LRGUK: variants seen among roughly 807,000 people sequenced by gnomAD.
The protein encoded by LRGUK is leucine rich repeats and guanylate kinase domain containing.
In LRGUK, 65 loss-of-function variants were observed where a neutral mutation model predicts 76.0. The observed-to-expected ratio is 0.85, with a 90% CI of 0.70 to 1.05. LRGUK has a LOEUF of 1.05. LRGUK is among the 50% of genes least tolerant of loss of function. The pLI is 0.00. For missense variants in LRGUK, 758 were observed against 732.8 expected, an observed-to-expected ratio of 1.03 and a Z score of -0.40; for synonymous variants, 268 against 265.6, an observed-to-expected ratio of 1.01 and a Z score of -0.09.
intron 7 of LRGUK, among the ~76,000 whole-genome samples, chr7:134,169,965 G>A (rs73159164): frequency 1.3e-5 from 2 of 151,998 alleles, no homozygotes; most frequent in Non-Finnish European, 2.9e-5. Context: ...CCTACCAGCA[G>A]TATATGAAGT....
chr7:134,171,161 T>G (rs981021272), intron 7 of LRGUK, among the ~76,000 whole-genome samples: 11 of 151,704 alleles, frequency 7.3e-5, no homozygotes, highest in Non-Finnish European at 1.6e-4. Context: ...TTTTCCCCCT[T>G]CTTAAAATTG....
chr7:134,268,717 CTTTTTTTTTTTTT>C (rs71531815), downstream of LRGUK, among the ~76,000 whole-genome samples: 12 of 57,326 alleles, frequency 2.1e-4, no homozygotes, highest in Non-Finnish European at 2.8e-4. Context: ...TGCAAAAAAT[CTTTTTTTTTTTTT>C]TTTTTTTTTT....
downstream of LRGUK, among the ~76,000 whole-genome samples, chr7:134,268,548 A>G (rs544469065): frequency 1.3e-5 from 2 of 152,152 alleles, no homozygotes; most frequent in African/African-American, 4.8e-5. Context: ...TGAAGAACCA[A>G]TTGCTAACAG....
At position 134,263,365 on chromosome 7, in the gene LRGUK, G is replaced by A. The variant is rs527423489; in HGVS notation, c.2348-480G>A. ...TGGTGAGCAGACCAATCTTTAGAGG[G>A]CATTAAATGAAGCTTCTATAGGAAG... On this transcript the variant is annotated intron_variant, in intron 19 of 19. Coordinates refer to the LRGUK transcript ENST00000285928. 3.6e-4 allele frequency among the ~76,000 whole-genome samples: 38 copies of A among 105,952 alleles called. 1 individual carries two copies. The South Asian group carries it at 0.014, about 40-fold the overall frequency. The allele number at this position is 105,952 out of a possible 152,430, so 69.5% of individuals were successfully genotyped here.
intron 4 of LRGUK, among the ~76,000 whole-genome samples, chr7:134,146,623 C>T (rs1797980548): frequency 6.6e-6 from 1 of 152,120 alleles, no homozygotes; most frequent in Non-Finnish European, 1.5e-5. Flanking sequence ...AGTTTGCTAA[C>T]TTGTATTTTA....
chr7:134,226,650 C>T (rs1801771774), intron 16 of LRGUK, among the ~76,000 whole-genome samples: 1 of 152,162 alleles, frequency 6.6e-6, no homozygotes, highest in Non-Finnish European at 1.5e-5. Flanking sequence ...ATGTGACAGC[C>T]TTGCCATCTA....
At chr7:134,271,762 G>A in the LRGUK span, among the ~76,000 whole-genome samples, 9 of 151,966 alleles carry the variant, frequency 5.9e-5, 3 homozygotes, top group Admixed American at 5.9e-4. Context: ...TCTCCATAAA[G>A]GACAAATGTA....
rs375670540 is a variant in LRGUK at position 134,229,616 on chromosome 7, G to A, written c.1983+7698G>A. On this transcript the variant is annotated intron_variant, in intron 16 of 19. Transcript: ENST00000285928. ...CTGTTTTCTTCAAATAGGTCTATAC[G>A]CTCAAAGCAATCCAGTCAAAAACAT... Among the ~76,000 whole-genome samples the A allele has an allele frequency of 2.6e-5, 4 of 152,068 alleles. No individual in the cohort carries two copies. In the East Asian group the frequency reaches 5.8e-4, roughly 22 times the overall value.
At chr7:134,255,075 T>C (rs1585605727) in intron 18 of LRGUK, among the ~76,000 whole-genome samples, 1 of 152,150 alleles carries the variant, frequency 6.6e-6, no homozygotes, top group African/African-American at 2.4e-5. Flanking sequence ...ATTAATTCAG[T>C]GGATAAAGAT....
chr7:134,240,317 C>T (rs181532215), intron 16 of LRGUK, among the ~76,000 whole-genome samples: 29 of 152,232 alleles, frequency 1.9e-4, no homozygotes, highest in African/African-American at 5.1e-4. Context: ...AAAGATTAGA[C>T]GAATGGCTAA....
At chr7:134,235,561 C>T (rs927059643) in intron 16 of LRGUK, among the ~76,000 whole-genome samples, 4 of 152,122 alleles carry the variant, frequency 2.6e-5, no homozygotes, top group Non-Finnish European at 5.9e-5. Flanking sequence ...TTGAAAAATT[C>T]GTATCACCCT....
rs570926796 is a variant in LRGUK at position 134,190,447 on chromosome 7, A to G, written c.1335-1208A>G. 3.3e-5 allele frequency among the ~76,000 whole-genome samples: 5 copies of G among 152,334 alleles called. No individual in the cohort carries two copies. In the East Asian group the frequency reaches 9.6e-4, roughly 29 times the overall value. ...GGTCCTGAACTCCTGGGCTCAAGCA[A>G]TCCTCCTGCCTTGGCCTCCCAAAGT... is the stretch of plus-strand genomic sequence containing the variant. On this transcript the variant is annotated intron_variant, in intron 11 of 15. Transcript: ENST00000645682.
At chr7:134,211,418 G>A (rs778996812), downstream of LRGUK, among the ~76,000 whole-genome samples, 1 of 152,132 alleles carries the variant, frequency 6.6e-6, no homozygotes, top group African/African-American at 2.4e-5. Context: ...TTGCATTATC[G>A]AGGAGTTCCA....
chr7:134,204,109 AGTAACTGAGAACAGT>A (rs1393052239), intron 15 of LRGUK, among the ~76,000 whole-genome samples: 2 of 140,918 alleles, frequency 1.4e-5, no homozygotes, highest in East Asian at 5.3e-4. Context: ...ACCAGCTCTG[AGTAACTGAGAACAGT>A]GTGTTTCTCA....
chr7:134,160,919 T>A (rs1798700344), intron 6 of LRGUK, among the ~76,000 whole-genome samples: 1 of 152,208 alleles, frequency 6.6e-6, no homozygotes, highest in Non-Finnish European at 1.5e-5. Context: ...TTTTTCAGCA[T>A]TGGATGAAGA....
chr7:134,178,448 CT>C, intron 9 of LRGUK, 54 bp from the exon 10 acceptor site: 1 of 1,382,310 alleles, frequency 7.2e-7, no homozygotes, highest in South Asian at 1.3e-5. Flanking sequence ...CAAGCTTTGT[CT>C]TCTTTTTAGA....
At chr7:134,158,210 A>G in intron 6 of LRGUK, 51 bp downstream of exon 6, 1 of 1,512,970 alleles carries the variant, frequency 6.6e-7, no homozygotes, top group South Asian at 1.2e-5. Context: ...TAATGCTTTT[A>G]GTAACTACAT....
At chr7:134,199,158 T>C in intron 13 of LRGUK, 62 bp from the exon 14 acceptor site, 4 of 1,389,690 alleles carry the variant, frequency 2.9e-6, no homozygotes, top group Non-Finnish European at 4.1e-6. Context: ...GTCAGATGGC[T>C]CCAAAATGAT....
At chr7:134,201,177 T>A (rs1401468121) in intron 14 of LRGUK, among the ~76,000 whole-genome samples, 2 of 152,140 alleles carry the variant, frequency 1.3e-5, no homozygotes, top group Non-Finnish European at 2.9e-5. Flanking sequence ...GCCTGGATAA[T>A]CTCCCTTTTG....
Sources: allele counts gnomAD v4.1 joint callset (sites outside exome capture counted in the v4.1 genomes callset), GRCh38; gene constraint gnomAD v4.1.1; transcripts MANE v1.5; gene names NCBI Gene and HGNC (gene_info 2026-07-23, HGNC 2026-07-21).